Variants in PADI6 observed in about 807,000 individuals in gnomAD.
PADI6 encodes the protein inactive protein-arginine deiminase type-6.
Under a neutral mutation model 78.2 loss-of-function variants are expected in PADI6, and 66 were observed. The observed-to-expected ratio is 0.84, with a 90% CI of 0.69 to 1.04. The LOEUF is 1.04. Among genes scored for constraint, PADI6 ranks in the 50% least tolerant of loss-of-function variants. PADI6 has a pLI of 0.00. For synonymous variants in PADI6, 397 were observed against 346.9 expected (o/e 1.14, Z -1.60); for missense variants, 854 against 866.1 (o/e 0.99, Z 0.18).
chr1:17,375,026 G>A (rs1295442760), intron 2 of PADI6, among the ~76,000 whole-genome samples: 1 of 152,174 alleles, frequency 6.6e-6, no homozygotes, highest in African/African-American at 2.4e-5. Flanking sequence ...GCACCTTATG[G>A]AGTAGGACAT....
In PADI6 at chr1:17,395,554, C is replaced by T. The variant is rs1355218197; in HGVS notation, c.1509C>T (p.Leu503=). Residue 503 remains leucine, a synonymous_variant, in exon 13 of 16, where the codon CTC becomes CTT. Transcript: ENST00000619609. The part of the protein sequence containing the change: ...KNEGKKGFLL[L]LASPSACYKL... ...CTGTTTCCCAGGGCTTCCTGCTGCTCCTGGCCAGCCCCAGTGCCTGCTATA... is the reference window on the plus strand; with the variant it reads ...CTGTTTCCCAGGGCTTCCTGCTGCTTCTGGCCAGCCCCAGTGCCTGCTATA... The T allele has an allele frequency of 3.2e-6, 5 of 1,557,336 alleles. No individual in the cohort carries two copies. The East Asian group carries it at 1.2e-4, about 37-fold the overall frequency.
intron 3 of PADI6, among the ~76,000 whole-genome samples, chr1:17,379,298 T>C (rs2075050103): frequency 6.7e-6 from 1 of 148,904 alleles, no homozygotes; most frequent in Non-Finnish European, 1.5e-5. Context: ...GTATTTTTAG[T>C]AGAGACGGGG....
intron 8 of PADI6, among the ~76,000 whole-genome samples, chr1:17,390,184 C>T (rs868843913): frequency 8.6e-5 from 13 of 151,384 alleles, no homozygotes; most frequent in Middle Eastern, 6.9e-3. Context: ...CCTGTAGTCC[C>T]AGCTACTCAG....
rs143049361 is a variant in PADI6 at position 17,395,537 on chromosome 1, C to T, written c.1495-3C>T. ...GGCTTCTGACCCAAGTTCTGTTTCC[C>T]AGGGCTTCCTGCTGCTCCTGGCCAG... is the stretch of plus-strand genomic sequence containing the variant. On this transcript the variant is annotated splice_region_variant and splice_polypyrimidine_tract_variant and intron_variant, in intron 12 of 15. Coordinates refer to ENST00000619609, the MANE Select transcript of PADI6 (RefSeq NM_207421.4). The T allele has an allele frequency of 1.8e-4, 274 of 1,551,714 alleles. No homozygotes were observed. In the African/African-American group the frequency reaches 3.2e-3, roughly 18 times the overall value.
rs369850700 is a variant in PADI6 at position 17,373,268 on chromosome 1, C to T, written c.294+35C>T. 1.7e-4 allele frequency: 276 copies of T among 1,605,290 alleles called. No homozygotes were observed. In the African/African-American group the frequency reaches 2.9e-3, roughly 17 times the overall value. ...AGGGGAAGAGGTGAGGGGCATCTCC[C>T]GGGGTGGGACCTAGCACAGCCACTG... On this transcript the variant is annotated intron_variant, in intron 2 of 15. Coordinates refer to ENST00000619609, the MANE Select transcript of PADI6 (RefSeq NM_207421.4).
intron 8 of PADI6, among the ~76,000 whole-genome samples, chr1:17,390,079 A>T (rs2075167219): frequency 2.6e-5 from 4 of 152,230 alleles, no homozygotes; most frequent in South Asian, 4.1e-4. Flanking sequence ...CAGGAGGATC[A>T]CCTGAGGGTC....
Position 17,392,751 on chromosome 1 carries a change from A to T in PADI6, c.1074+526A>T, listed in dbSNP as rs1159608508. The stretch of plus-strand genomic sequence containing the variant: ...AGACAATGAGATGATACAGTGATTC[A>T]TTAGACCAAATGAGGCAGTTTAAGA... On this transcript the variant is annotated intron_variant, in intron 9 of 15. Coordinates refer to ENST00000619609, the MANE Select transcript of PADI6 (RefSeq NM_207421.4). Among the ~76,000 whole-genome samples the T allele has an allele frequency of 2.6e-5, 4 of 152,356 alleles. No homozygotes were observed. The East Asian group carries it at 5.8e-4, about 22-fold the overall frequency.
Position 17,392,189 on chromosome 1 carries a change from C to T in PADI6, c.1038C>T (p.Val346=), listed in dbSNP as rs1429564749. The change falls in exon 9 of 16, where the codon GTC becomes GTT. Residue 346 remains valine, a synonymous_variant. Transcript: ENST00000619609. ...AGAGCAACAGCCAGGTGGCATCTGT[C>T]TATGAGGACCCCAACCGCCTGGGCA... ...SEKSNSQVAS[V]YEDPNRLGRW... The T allele has an allele frequency of 5.1e-6, 8 of 1,559,730 alleles. No homozygotes were observed. The South Asian group carries it at 9.5e-5, about 18-fold the overall frequency.
In PADI6 at chr1:17,393,991, G is replaced by A; in HGVS notation, c.1091G>A (p.Cys364Tyr). Reference protein sequence around the residue: ...GRWLQDEMAFCYTQAPHKTTS... With the variant: ...GRWLQDEMAFYYTQAPHKTTS... ...CCATTCCAGGATGAGATGGCCTTCT[G>A]CTACACCCAGGCTCCCCACAAGACA... The change falls in exon 10 of 16, where the codon TGC (cysteine) becomes TAC (tyrosine). Residue 364 changes from cysteine (C) to tyrosine (Y), a missense_variant. Coordinates refer to ENST00000619609, the MANE Select transcript of PADI6 (RefSeq NM_207421.4). 7 of 1,613,854 alleles carry A rather than the reference G, an allele frequency of 4.3e-6. No individual in the cohort carries two copies. The highest frequency in any genetic ancestry group is 5.9e-6 in the Non-Finnish European group (7 of 1,179,848).
chr1:17,372,465 C>A, intron 1 of PADI6, 104 bp downstream of exon 1: 1 of 1,069,644 alleles, frequency 9.3e-7, no homozygotes, highest in Non-Finnish European at 1.4e-6. Flanking sequence ...TCTAGCCTCA[C>A]TATCCTGCCC....
chr1:17,379,170 T>C (rs2075048380), intron 3 of PADI6, among the ~76,000 whole-genome samples: 1 of 136,568 alleles, frequency 7.3e-6, no homozygotes, highest in Admixed American at 7.3e-5. Context: ...TGGAGTGCAG[T>C]GGCGCAATCT....
chr1:17,399,262 C>T (rs1017031574), intron 15 of PADI6, among the ~76,000 whole-genome samples: 1 of 152,222 alleles, frequency 6.6e-6, no homozygotes, highest in African/African-American at 2.4e-5. Context: ...CTCCAGGGTC[C>T]AGGGCAGCAG....
chr1:17,394,010 C>A lies in PADI6; in HGVS notation c.1110C>A (p.His370Gln), dbSNP rs1334607397. 1.9e-6 allele frequency: 3 copies of A among 1,613,824 alleles called. No homozygotes were observed. Among genetic ancestry groups the A allele is most frequent in the Non-Finnish European group, 2.5e-6 (3 of 1,179,896 alleles). Residue 370 changes from histidine (H) to glutamine (Q), a missense_variant, in exon 10 of 16, where the codon CAC becomes CAA. Coordinates refer to ENST00000619609, the MANE Select transcript of PADI6 (RefSeq NM_207421.4). ...CCTTCTGCTACACCCAGGCTCCCCA[C>A]AAGACAACGTCCTTGATCCTCGACA... ...EMAFCYTQAPHKTTSLILDTP... is the reference protein window; with the variant it reads ...EMAFCYTQAPQKTTSLILDTP...
intron 6 of PADI6, among the ~76,000 whole-genome samples, chr1:17,382,723 A>G (rs2075084945): frequency 6.6e-6 from 1 of 152,194 alleles, no homozygotes; most frequent in South Asian, 2.1e-4. Context: ...GTACCTCTAA[A>G]TCTCTCATTG....
rs6696295 is a variant in PADI6, at chr1:17,388,369, T to C, written c.680-12T>C. On this transcript the variant is annotated splice_polypyrimidine_tract_variant and intron_variant, in intron 6 of 15. Transcript: ENST00000619609. ...ACTTCAGTGGCTGGTCCATCCCTTC[T>C]TTCTCTCCTAGAAGACAACTCCAGT... The C allele has an allele frequency of 0.23, 367,979 of 1,596,714 alleles. 43,756 individuals are homozygous for C. Among genetic ancestry groups the C allele is most frequent in the East Asian group, 0.32 (14,190 of 44,556 alleles).
At chr1:17,382,239 T>C in intron 6 of PADI6, 147 bp downstream of exon 6, 1 of 1,104,550 alleles carries the variant, frequency 9.1e-7, no homozygotes, top group Non-Finnish European at 1.3e-6. Context: ...TGTACTTGTG[T>C]TTCCAGGATT....
chr1:17,398,662 C>CCCAACCA, intron 14 of PADI6, 24 bp from the exon 15 acceptor site: 1 of 118,654 alleles, frequency 8.4e-6, no homozygotes, highest in Non-Finnish European at 1.7e-5. Context: ...CCGCCCCCCC[C>CCCAACCA]CCCACCCACC....
chr1:17,378,602 TTTTG>T (rs1192831313), intron 3 of PADI6, among the ~76,000 whole-genome samples: 3 of 152,100 alleles, frequency 2.0e-5, no homozygotes, highest in African/African-American at 7.2e-5. Context: ...AAGTGTGTTT[TTTTG>T]TTTGTTTTTG....
intron 6 of PADI6, 65 bp downstream of exon 6, chr1:17,382,157 ACCT>A (rs965964200): frequency 7.0e-6 from 11 of 1,576,126 alleles, no homozygotes; most frequent in African/African-American, 4.1e-5. Context: ...TTGTGCCCAC[ACCT>A]CCTCCCAGCA....
Sources: gnomAD v4.1 joint callset for allele counts (sites outside exome capture counted in the v4.1 genomes callset) on GRCh38, gnomAD v4.1.1 for gene constraint, MANE v1.5 for transcripts, NCBI Gene and HGNC (gene_info 2026-07-23, HGNC 2026-07-21) for gene names.